NRAP: variants seen among roughly 807,000 people sequenced by gnomAD.
The protein encoded by NRAP is nebulin related anchoring protein.
NRAP carries 189 observed loss-of-function variants against 225.9 expected under a neutral mutation model. The observed-to-expected ratio is 0.84, with a 90% confidence interval of 0.74 to 0.94. The LOEUF (loss-of-function observed/expected upper bound fraction) is 0.94, where lower values mean the gene tolerates loss of function less well. Ranked by LOEUF, NRAP falls within the 40% of genes least tolerant of loss-of-function variation. The pLI, the probability that NRAP is intolerant of heterozygous loss-of-function variation, is 0.00. For synonymous variants in NRAP, 769 were observed against 790.7 expected, an observed-to-expected ratio of 0.97 and a Z score of 0.46; for missense variants, 2,176 against 2,168.7, an observed-to-expected ratio of 1.00 and a Z score of -0.07.
At chr10:113,595,563 T>G in intron 38 of NRAP, 60 bp downstream of exon 38, 1 of 1,075,628 alleles carries the variant, frequency 9.3e-7, no homozygotes, top group Non-Finnish European at 1.4e-6. Flanking sequence ...GAAATCCACA[T>G]TGGGCACAGA....
At chr10:113,604,957 G>A in intron 34 of NRAP, 37 bp from the exon 35 acceptor site, 1 of 1,582,636 alleles carries the variant, frequency 6.3e-7, no homozygotes, top group Non-Finnish European at 8.6e-7. Context: ...TTCTATCTGT[G>A]CGTTTTCATT....
At chr10:113,630,936 G>T (rs533404892) in intron 18 of NRAP, among the ~76,000 whole-genome samples, 8 of 152,242 alleles carry the variant, frequency 5.3e-5, no homozygotes, top group African/African-American at 1.9e-4. Flanking sequence ...TAGAAACTGG[G>T]TCTGTCTCTT....
At chr10:113,619,062 A>G (rs1847832109) in intron 25 of NRAP, among the ~76,000 whole-genome samples, 1 of 152,238 alleles carries the variant, frequency 6.6e-6, no homozygotes, top group Non-Finnish European at 1.5e-5. Context: ...CTTACTTACT[A>G]AACTTTGAGG....
At position 113,652,990 on chromosome 10, in the gene NRAP, G is replaced by C. The variant is rs1850076369; in HGVS notation, c.515C>G (p.Ala172Gly). ...CCTTTGATAAGCAGGTGTGATCATG[G>C]CTGGAAAGCTCCCCTTGCCCCTGGG... Reference protein sequence around the residue: ...EQPRGKGSFPAMITPAYQRAK... With the variant: ...EQPRGKGSFPGMITPAYQRAK... The change falls in exon 6 of 42, where the codon GCC becomes GGC. Residue 172 changes from alanine (A) to glycine (G), a missense_variant. By Grantham distance (60) the Ala-to-Gly change is moderately conservative. Transcript: ENST00000359988. 3 of 1,613,068 alleles carry C rather than the reference G, an allele frequency of 1.9e-6. No homozygotes were observed. Among genetic ancestry groups the C allele is most frequent in the Non-Finnish European group, 2.5e-6 (3 of 1,179,702 alleles).
chr10:113,656,087 C>A (rs1489713922), intron 4 of NRAP, among the ~76,000 whole-genome samples: 3 of 152,128 alleles, frequency 2.0e-5, no homozygotes, highest in African/African-American at 4.8e-5. Flanking sequence ...GAAAAGCCTA[C>A]CGACCAGCAT....
intron 9 of NRAP, among the ~76,000 whole-genome samples, chr10:113,649,200 A>G (rs1216453791): frequency 6.6e-6 from 1 of 152,252 alleles, no homozygotes; most frequent in Non-Finnish European, 1.5e-5. Flanking sequence ...CCTAAGACTC[A>G]TATGAGCATA....
At chr10:113,597,029 C>T in intron 37 of NRAP, 57 bp downstream of exon 37, 1 of 1,157,614 alleles carries the variant, frequency 8.6e-7, no homozygotes, top group East Asian at 2.3e-5. Context: ...TAGACCCGGA[C>T]CACTGAGCAG....
At chr10:113,634,616 G>A (rs1217018367) in intron 14 of NRAP, among the ~76,000 whole-genome samples, 1 of 152,218 alleles carries the variant, frequency 6.6e-6, no homozygotes, top group African/African-American at 2.4e-5. Context: ...CAGAAGTGCA[G>A]ATTGGTACAA....
chr10:113,590,602 C>G lies in NRAP; in HGVS notation c.4932G>C (p.Gln1644His). Residue 1644 changes from glutamine (Q) to histidine (H), a missense_variant, in exon 40 of 42, where the codon CAG (glutamine) becomes CAC (histidine). Transcript: ENST00000359988. Reference sequence around the variant, plus strand: ...CATCACTCTGCAGCTGGTGGGCCTTCTGAGCATGCCTGAGGCCCAGCTGCT... The same window carrying G: ...CATCACTCTGCAGCTGGTGGGCCTTGTGAGCATGCCTGAGGCCCAGCTGCT... ...DPEQLGLRHA[Q>H]KAHQLQSDVK... is the part of the protein sequence containing the mutation. 1 of 1,612,578 alleles carries G rather than the reference C, an allele frequency of 6.2e-7. No homozygotes were observed. The highest frequency in any genetic ancestry group is 8.5e-7 in the Non-Finnish European group (1 of 1,179,886).
At chr10:113,661,547 A>G (rs975696164) in intron 3 of NRAP, among the ~76,000 whole-genome samples, 4 of 152,138 alleles carry the variant, frequency 2.6e-5, no homozygotes, top group African/African-American at 9.7e-5. Context: ...GTAATTTTCT[A>G]ATTTTAGAAA....
intron 6 of NRAP, 141 bp downstream of exon 6, chr10:113,652,794 A>G (rs1465526360): frequency 1.6e-6 from 1 of 641,540 alleles, no homozygotes; most frequent in Non-Finnish European, 2.8e-6. Flanking sequence ...GAAAAGTAAG[A>G]ACACAGTTTT....
At chr10:113,658,855 C>T (rs187975473) in intron 3 of NRAP, among the ~76,000 whole-genome samples, 2 of 146,382 alleles carry the variant, frequency 1.4e-5, no homozygotes, top group Non-Finnish European at 1.5e-5. Context: ...GCACTCCAGC[C>T]TGGGCAACAG....
chr10:113,612,270 C>T lies in NRAP; in HGVS notation c.3462G>A (p.Leu1154=), dbSNP rs760072461. The T allele has an allele frequency of 5.0e-6, 8 of 1,614,162 alleles. 1 individual carries two copies. The South Asian group carries it at 7.7e-5, about 16-fold the overall frequency. ...QYTSLAEDLR[L]SCAKKAHKLQ... ...ATTTGTGAGCTTTCTTGGCACAGCT[C>T]AGCCTCAGGTCTTCTGCCAAGGAAG... Residue 1154 remains leucine (L), a synonymous_variant, in exon 30 of 42, where the codon CTG becomes CTA. Transcript: ENST00000359988.
chr10:113,617,477 A>G lies in NRAP; in HGVS notation c.2951T>C (p.Ile984Thr). The G allele has an allele frequency of 6.2e-7, 1 of 1,606,900 alleles. No individual in the cohort carries two copies. ...KDTPEMVQAR[I>T]SYTQAVDRLY... ...TACATCCACTGCTTGGGTATAACTA[A>G]TTCTGGCCTGGACCATCTCCGGAGT... The change falls in exon 26 of 42, where the codon ATT (isoleucine) becomes ACT (threonine). Residue 984 changes from isoleucine to threonine, a missense_variant. By Grantham distance (89) the Ile-to-Thr change is moderately conservative. Coordinates refer to ENST00000359988, the MANE Select transcript of NRAP (RefSeq NM_198060.4).
chr10:113,590,661 T>G lies in NRAP; in HGVS notation c.4873A>C (p.Arg1625=), dbSNP rs1489763655. The change falls in exon 40 of 42, where the codon AGG becomes CGG. Residue 1625 remains arginine (R), a synonymous_variant. Transcript: ENST00000359988. The part of the protein sequence containing the change: ...SQQLASDVHY[R]QPLPQPTCDP... Reference sequence around the variant, plus strand: ...CAGGTGGGCTGGGGCAGGGGCTGCCTGTAGTGCACATCACTGGCCAGCTGC... The same window carrying G: ...CAGGTGGGCTGGGGCAGGGGCTGCCGGTAGTGCACATCACTGGCCAGCTGC... 1 of 1,613,996 alleles carries G rather than the reference T, an allele frequency of 6.2e-7. No homozygotes were observed. The highest frequency in any genetic ancestry group is 8.5e-7 in the Non-Finnish European group (1 of 1,179,994).
chr10:113,620,594 G>A lies in NRAP; in HGVS notation c.2874+10C>T. 2 of 1,570,098 alleles carry A rather than the reference G, an allele frequency of 1.3e-6. No homozygotes were observed. Among genetic ancestry groups the A allele is most frequent in the Non-Finnish European group, 1.8e-6 (2 of 1,140,004 alleles). ...AGCCAGGCCTGTTACAGGCTGTCAG[G>A]AAATCTCACCTCGCTAATGAGTTCT... On this transcript the variant is annotated intron_variant, in intron 25 of 41. Coordinates refer to ENST00000359988, the MANE Select transcript of NRAP (RefSeq NM_198060.4).
In NRAP at chr10:113,588,791, T is replaced by C. The variant is rs1845736666; in HGVS notation, c.*184A>G. 4 of 599,860 alleles carry C rather than the reference T, an allele frequency of 6.7e-6. No individual in the cohort carries two copies. The South Asian group carries it at 8.4e-5, about 13-fold the overall frequency. 37.2% of individuals were successfully genotyped at this position (599,860 alleles called of 1,614,324 possible). Reference sequence around the variant, plus strand: ...CTCAACAGAATCAGCCATCCACGTCTAGGTATCAGAGAGGACCACAAATAC... The same window carrying C: ...CTCAACAGAATCAGCCATCCACGTCCAGGTATCAGAGAGGACCACAAATAC... On this transcript the variant is annotated 3_prime_UTR_variant, in exon 42 of 42. Transcript: ENST00000359988.
At chr10:113,657,182 G>A (rs1850359523) in intron 4 of NRAP, among the ~76,000 whole-genome samples, 1 of 152,102 alleles carries the variant, frequency 6.6e-6, no homozygotes, top group South Asian at 2.1e-4. Context: ...GAGAGAAAAG[G>A]GTGGAGCTGA....
intron 18 of NRAP, among the ~76,000 whole-genome samples, chr10:113,630,277 C>T (rs1425683965): frequency 3.3e-5 from 5 of 152,092 alleles, no homozygotes; most frequent in Admixed American, 1.3e-4. Context: ...ATAGCAAATA[C>T]TTGATAAATA....
Sources: allele counts gnomAD v4.1 joint callset (sites outside exome capture counted in the v4.1 genomes callset), GRCh38; gene constraint gnomAD v4.1.1; transcripts MANE v1.5; gene names NCBI Gene and HGNC (gene_info 2026-07-23, HGNC 2026-07-21).